Variants in UXS1 observed in about 807,000 individuals in gnomAD.
UXS1 encodes the protein UDP-glucuronate decarboxylase 1.
In UXS1, 33 loss-of-function variants were observed where a neutral mutation model predicts 62.6. The observed-to-expected ratio is 0.53, with a 90% CI of 0.40 to 0.70. The LOEUF is 0.70. UXS1 is among the 30% of genes least tolerant of loss of function. UXS1 has a pLI of 0.00. For missense variants in UXS1, 434 were observed against 556.3 expected, an observed-to-expected ratio of 0.78 and a Z score of 2.21; for synonymous variants, 213 against 206.8, an observed-to-expected ratio of 1.03 and a Z score of -0.26.
At position 106,155,135 on chromosome 2, in the gene UXS1, A is replaced by T. The variant is rs77371855; in HGVS notation, c.291+2923T>A. Among the ~76,000 whole-genome samples the T allele has an allele frequency of 3.3e-4, 50 of 152,258 alleles. No homozygotes were observed. The East Asian group carries it at 7.9e-3, about 24-fold the overall frequency. ...ATGATGGATCTGTCCCCATGACCCA[A>T]ATAATTCCCACTAGGCCCCACCTCC... is the stretch of plus-strand genomic sequence containing the variant. On this transcript the variant is annotated intron_variant, in intron 5 of 14. Transcript: ENST00000283148.
chr2:106,121,133 G>C (rs565110315), intron 9 of UXS1, among the ~76,000 whole-genome samples: 1 of 152,232 alleles, frequency 6.6e-6, no homozygotes, highest in South Asian at 2.1e-4. Flanking sequence ...ATCCTGGCTG[G>C]AGCCCAGGCC....
At chr2:106,154,350 T>C (rs932454860) in intron 5 of UXS1, among the ~76,000 whole-genome samples, 1 of 152,228 alleles carries the variant, frequency 6.6e-6, no homozygotes, top group Non-Finnish European at 1.5e-5. Context: ...ACAAAGTTTA[T>C]GTCTGTCCCA....
intron 1 of UXS1, among the ~76,000 whole-genome samples, chr2:106,177,397 T>C (rs548860015): frequency 6.6e-6 from 1 of 152,242 alleles, no homozygotes; most frequent in South Asian, 2.1e-4. Context: ...GGTTTCGCCA[T>C]GTTGGCCAGG....
chr2:106,105,617 A>C (rs1296310986), intron 10 of UXS1, among the ~76,000 whole-genome samples: 1 of 152,094 alleles, frequency 6.6e-6, no homozygotes, highest in East Asian at 1.9e-4. Context: ...CCCAACTGTG[A>C]ACTCCCCAGA....
intron 9 of UXS1, among the ~76,000 whole-genome samples, chr2:106,116,752 G>A (rs1036986325): frequency 1.3e-5 from 2 of 152,152 alleles, no homozygotes; most frequent in Non-Finnish European, 2.9e-5. Flanking sequence ...TCTGATTACC[G>A]AGTGAATGGA....
intron 9 of UXS1, among the ~76,000 whole-genome samples, chr2:106,117,639 C>G (rs1679162180): frequency 6.6e-6 from 1 of 152,202 alleles, no homozygotes; most frequent in South Asian, 2.1e-4. Context: ...GGCATATTCA[C>G]CTGTAGGGAA....
At chr2:106,173,054 C>T (rs1683663242) in intron 1 of UXS1, among the ~76,000 whole-genome samples, 1 of 152,340 alleles carries the variant, frequency 6.6e-6, no homozygotes, top group South Asian at 2.1e-4. Context: ...CAGCACTTAT[C>T]ACCAGCTAAT....
At chr2:106,146,927 T>C (rs1681626552) in intron 5 of UXS1, among the ~76,000 whole-genome samples, 1 of 152,094 alleles carries the variant, frequency 6.6e-6, no homozygotes, top group African/African-American at 2.4e-5. Flanking sequence ...CCAAGGTGGC[T>C]GGATCATTTG....
intron 9 of UXS1, among the ~76,000 whole-genome samples, chr2:106,113,560 C>T (rs1190020154): frequency 6.6e-6 from 1 of 152,228 alleles, no homozygotes; most frequent in East Asian, 1.9e-4. Flanking sequence ...TAACAAAAGC[C>T]TGCTCTAAGT....
intron 5 of UXS1, among the ~76,000 whole-genome samples, chr2:106,146,569 A>C (rs1681582945): frequency 6.6e-6 from 1 of 152,106 alleles, no homozygotes; most frequent in Non-Finnish European, 1.5e-5. Context: ...ACTTGAGATC[A>C]GGAGTTCAAG....
intron 9 of UXS1, among the ~76,000 whole-genome samples, chr2:106,117,537 C>A (rs930331944): frequency 9.9e-5 from 15 of 151,684 alleles, no homozygotes; most frequent in African/African-American, 3.6e-4. Flanking sequence ...AACACTGTAA[C>A]GTGATCACTA....
chr2:106,129,027 C>T (rs1680207966), intron 7 of UXS1, among the ~76,000 whole-genome samples: 1 of 152,202 alleles, frequency 6.6e-6, no homozygotes, highest in African/African-American at 2.4e-5. Flanking sequence ...TTAAGCATGC[C>T]TCTAATTTTA....
chr2:106,177,739 T>C (rs757311347), intron 1 of UXS1, among the ~76,000 whole-genome samples: 3 of 152,188 alleles, frequency 2.0e-5, no homozygotes, highest in Non-Finnish European at 2.9e-5. Context: ...GGCCTTCATC[T>C]TGGACTTCCC....
intron 9 of UXS1, among the ~76,000 whole-genome samples, chr2:106,122,225 G>A (rs1020367284): frequency 6.6e-6 from 1 of 152,192 alleles, no homozygotes; most frequent in Non-Finnish European, 1.5e-5. Flanking sequence ...ATTTTCATGA[G>A]GATGTGAAAA....
intron 7 of UXS1, among the ~76,000 whole-genome samples, chr2:106,127,175 G>C (rs1161344255): frequency 1.3e-5 from 2 of 152,040 alleles, no homozygotes; most frequent in African/African-American, 4.8e-5. Flanking sequence ...TCTCATTTTT[G>C]ACCTCTACAA....
At chr2:106,190,168 G>A (rs544728313) in intron 1 of UXS1, among the ~76,000 whole-genome samples, 1 of 152,312 alleles carries the variant, frequency 6.6e-6, no homozygotes, top group South Asian at 2.1e-4. Flanking sequence ...AAGCAAATTA[G>A]AACACCAGCC....
Position 106,101,232 on chromosome 2 carries a change from C to T in UXS1, c.924-114G>A, listed in dbSNP as rs1677575161. 3.7e-6 allele frequency: 4 copies of T among 1,089,360 alleles called. No individual in the cohort carries two copies. In the South Asian group the frequency reaches 5.0e-5, roughly 14 times the overall value. The allele number at this position is 1,089,360 out of a possible 1,614,324, so 67.5% of individuals were successfully genotyped here. A position where few individuals can be genotyped will look rare whatever the true frequency, so the allele number is the denominator to read the frequency against. ...TACCACCCCCAGGAGAAAACAAAAA[C>T]CCAAATGGAAAATTGAATGTCGAAA... On this transcript the variant is annotated intron_variant, in intron 11 of 14. Transcript: ENST00000283148.
intron 6 of UXS1, among the ~76,000 whole-genome samples, chr2:106,142,247 T>C (rs1055745296): frequency 1.3e-5 from 2 of 152,240 alleles, no homozygotes; most frequent in African/African-American, 4.8e-5. Flanking sequence ...TATATTTTCT[T>C]TAACATGTAT....
intron 4 of UXS1, among the ~76,000 whole-genome samples, chr2:106,159,615 C>T (rs1319270327): frequency 6.6e-6 from 1 of 152,164 alleles, no homozygotes; most frequent in South Asian, 2.1e-4. Flanking sequence ...AACAAAAGTG[C>T]TTTAAATAAA....
Sources: gnomAD v4.1 joint callset for allele counts (sites outside exome capture counted in the v4.1 genomes callset) on GRCh38, gnomAD v4.1.1 for gene constraint, MANE v1.5 for transcripts, NCBI Gene and HGNC (gene_info 2026-07-23, HGNC 2026-07-21) for gene names.